Variants in ACAT1 observed in about 807,000 individuals in gnomAD.
The protein encoded by ACAT1 is acetyl-CoA acetyltransferase 1, also known as acetyl-CoA acetyltransferase, mitochondrial.
In ACAT1, 28 loss-of-function variants were observed where a neutral mutation model predicts 47.3. That is an observed-to-expected ratio of 0.59 (90% CI 0.44 to 0.81). ACAT1 has a LOEUF of 0.81. ACAT1 is among the 30% of genes least tolerant of loss of function. The probability of loss-of-function intolerance (pLI) is 0.00; values close to 1 mark genes in which losing one functional copy is unlikely to be tolerated. For missense variants in ACAT1, 469 were observed against 524.3 expected (o/e 0.89, Z 1.03); for synonymous variants, 181 against 173.6 (o/e 1.04, Z -0.34).
At chr11:108,143,944 A>AAAAGATTTT in intron 9 of ACAT1, 39 bp from the exon 10 acceptor site, 1 of 1,184,948 alleles carries the variant, frequency 8.4e-7, no homozygotes, top group Non-Finnish European at 1.2e-6. Context: ...GTAAAAAAAA[A>AAAAGATTTT]AAGATTTTAA....
chr11:108,129,163 T>G (rs1408293467), intron 1 of ACAT1: 1 of 152,162 alleles, frequency 6.6e-6, no homozygotes, highest in Non-Finnish European at 1.5e-5. Flanking sequence ...CTGAGTTACT[T>G]CACTTAGAAT....
chr11:108,132,853 C>CAAAAAAAAAAAAA (rs57501370), intron 2 of ACAT1, among the ~76,000 whole-genome samples: 1 of 47,890 alleles, frequency 2.1e-5, no homozygotes, highest in East Asian at 8.0e-4. Context: ...AACTCCATCT[C>CAAAAAAAAAAAAA]AAAAAAAAAA....
At position 108,121,567 on chromosome 11, in the gene ACAT1, A is replaced by G. The variant is rs2077146971; in HGVS notation, c.-40A>G. ...GTGCGGGGTTGGGGAGGAGGCCGCT[A>G]GTCTACGCCTGTGGAGCCGATACTC... On this transcript the variant is annotated 5_prime_UTR_variant, in exon 1 of 12. Transcript: ENST00000265838. 6.5e-7 allele frequency: 1 copy of G among 1,544,722 alleles called. No individual in the cohort carries two copies. The highest frequency in any genetic ancestry group is 8.8e-7 in the Non-Finnish European group (1 of 1,142,170).
chr11:108,121,539 G>T (rs1397088200), upstream of ACAT1: 18 of 1,500,460 alleles, frequency 1.2e-5, no homozygotes, highest in Admixed American at 3.5e-4. Context: ...CGGGCCGCTA[G>T]GGGTGCGGGG....
intron 11 of ACAT1, 121 bp from the exon 12 acceptor site, chr11:108,147,149 G>A (rs1047694598): frequency 8.4e-7 from 1 of 1,184,664 alleles, no homozygotes; most frequent in Non-Finnish European, 1.2e-6. Flanking sequence ...AATAGTAGTA[G>A]TTAATTCAGC....
chr11:108,122,662 G>T (rs903581821), intron 1 of ACAT1, among the ~76,000 whole-genome samples: 1 of 152,232 alleles, frequency 6.6e-6, no homozygotes, highest in African/African-American at 2.4e-5. Context: ...CAATTAGGGA[G>T]TGAGGGTGCG....
intron 1 of ACAT1, among the ~76,000 whole-genome samples, chr11:108,128,211 G>C (rs1260681504): frequency 1.3e-5 from 2 of 152,210 alleles, no homozygotes; most frequent in African/African-American, 4.8e-5. Flanking sequence ...ATCCTGATCT[G>C]AGTGGGTTGA....
Position 108,146,703 on chromosome 11 carries a change from A to C in ACAT1, c.1163+344A>C, listed in dbSNP as rs1391286444. Among the ~76,000 whole-genome samples, 7 of 152,264 alleles carry C rather than the reference A, an allele frequency of 4.6e-5. No homozygotes were observed. The East Asian group carries it at 9.7e-4, about 21-fold the overall frequency. On this transcript the variant is annotated intron_variant, in intron 11 of 11. Coordinates refer to ENST00000265838, the MANE Select transcript of ACAT1 (RefSeq NM_000019.4). ...GGGGGCTGATTTCAGTGCACCTGTC[A>C]GTCACCCAATATGTAGTTTATCCCA...
intron 1 of ACAT1, among the ~76,000 whole-genome samples, chr11:108,128,340 C>T (rs2077290345): frequency 6.6e-6 from 1 of 152,198 alleles, no homozygotes; most frequent in South Asian, 2.1e-4. Context: ...CCTGTAATCC[C>T]AGCACTTTGG....
At chr11:108,138,730 T>A in intron 5 of ACAT1, 168 bp from the exon 6 acceptor site, 1 of 783,352 alleles carries the variant, frequency 1.3e-6, no homozygotes. Flanking sequence ...TAACACCATT[T>A]CTTTTCATCA....
intron 4 of ACAT1, chr11:108,134,548 GC>G (rs2077425718): frequency 3.0e-6 from 1 of 333,912 alleles, no homozygotes; most frequent in East Asian, 7.0e-5. Flanking sequence ...TGAGGCAGGA[GC>G]ATCGCTTGAA....
At chr11:108,121,770 C>CGGCCCG in intron 1 of ACAT1, 92 bp downstream of exon 1, 1 of 1,429,544 alleles carries the variant, frequency 7.0e-7, no homozygotes, top group South Asian at 1.2e-5. Flanking sequence ...GCGGCTCCCG[C>CGGCCCG]GGCCCGGGCG....
chr11:108,139,098 T>C, intron 6 of ACAT1, 57 bp downstream of exon 6: 7 of 1,599,928 alleles, frequency 4.4e-6, no homozygotes, highest in Non-Finnish European at 6.0e-6. Flanking sequence ...GTTTGATTTT[T>C]CTTACTCTAT....
chr11:108,132,034 A>G (rs992493405), intron 2 of ACAT1, 80 bp downstream of exon 2: 1 of 886,648 alleles, frequency 1.1e-6, no homozygotes, highest in Non-Finnish European at 1.8e-6. Flanking sequence ...TATGATTTGG[A>G]TACATGTGAA....
intron 1 of ACAT1, 116 bp from the exon 2 acceptor site, chr11:108,131,791 G>A (rs542284377): frequency 7.4e-6 from 3 of 405,626 alleles, no homozygotes; most frequent in Admixed American, 8.7e-5. Context: ...CAAAAAACTT[G>A]GAAATAAAAG....
intron 1 of ACAT1, among the ~76,000 whole-genome samples, chr11:108,126,933 C>G (rs2077260366): frequency 1.3e-5 from 2 of 151,424 alleles, no homozygotes; most frequent in Admixed American, 1.3e-4. Context: ...GCTGGGATTA[C>G]AGGCGCGTGC....
chr11:108,141,772 A>G (rs1279004278), intron 8 of ACAT1, 72 bp downstream of exon 8: 1 of 934,964 alleles, frequency 1.1e-6, no homozygotes, highest in Non-Finnish European at 1.6e-6. Context: ...GAATTGCCTA[A>G]GGATTTTGAA....
intron 1 of ACAT1, among the ~76,000 whole-genome samples, chr11:108,127,132 G>A (rs2077265329): frequency 6.6e-6 from 1 of 151,118 alleles, no homozygotes; most frequent in African/African-American, 2.4e-5. Flanking sequence ...AGGTTTTCTA[G>A]GGTTGGAAAT....
At chr11:108,131,580 G>A (rs1371855374) in intron 1 of ACAT1, among the ~76,000 whole-genome samples, 2 of 151,814 alleles carry the variant, frequency 1.3e-5, no homozygotes, top group African/African-American at 4.8e-5. Context: ...TTGAACTCCT[G>A]ACCTCAGGTG....
Sources: gnomAD v4.1 joint callset for allele counts (sites outside exome capture counted in the v4.1 genomes callset) on GRCh38, gnomAD v4.1.1 for gene constraint, MANE v1.5 for transcripts, NCBI Gene and HGNC (gene_info 2026-07-23, HGNC 2026-07-21) for gene names.